Variants in PODXL2 observed in about 807,000 individuals in gnomAD.
PODXL2 encodes podocalyxin-like protein 2.
In PODXL2, 17 loss-of-function variants were observed where a neutral mutation model predicts 53.4. The ratio of observed to expected loss-of-function variants is 0.32; its 90% CI spans 0.22 to 0.48. The LOEUF is 0.48. PODXL2 is among the 20% of genes least tolerant of loss of function. The pLI is 0.99. For synonymous variants in PODXL2, 311 were observed against 306.7 expected (o/e 1.01, Z -0.15); for missense variants, 673 against 760.0 (o/e 0.89, Z 1.35).
In PODXL2 at chr3:127,660,865, C is replaced by T. The variant is rs114235935; in HGVS notation, c.837C>T (p.Phe279=). Residue 279 remains phenylalanine, a synonymous_variant, in exon 3 of 8, where the codon TTC becomes TTT. Coordinates refer to ENST00000342480, the MANE Select transcript of PODXL2 (RefSeq NM_015720.4). The stretch of plus-strand genomic sequence containing the variant: ...CAGCTGCAGGGCTTGGGGTAGAGTT[C>T]GAGGCTCCTCAGGAAGCAAGCGAGG... ...VLPAAGLGVE[F]EAPQEASEEA... is the part of the protein sequence containing the mutation. 4.3e-3 allele frequency: 6,974 copies of T among 1,614,184 alleles called. 27 individuals carry two copies. Among genetic ancestry groups the T allele is most frequent in the Middle Eastern group, 6.3e-3 (38 of 6,060 alleles).
rs556805093 is a variant in PODXL2, at chr3:127,672,783, A to G, written c.*303A>G. 30 of 343,200 alleles carry G rather than the reference A, an allele frequency of 8.7e-5. No individual in the cohort carries two copies. The South Asian group carries it at 3.1e-3, about 36-fold the overall frequency. The allele number at this position is 343,200 out of a possible 1,614,324, so 21.3% of individuals were successfully genotyped here. A position where few individuals can be genotyped will look rare whatever the true frequency, so the allele number is the denominator to read the frequency against. On this transcript the variant is annotated 3_prime_UTR_variant, in exon 8 of 8. Transcript: ENST00000342480. The stretch of plus-strand genomic sequence containing the variant: ...CCGGGACTCAATTAAACCCGCCCGG[A>G]GACCACGCCGGGCCCAGCGCGTCTG...
At position 127,671,433 on chromosome 3, in the gene PODXL2, GA is replaced by G; in HGVS notation, c.1426del (p.Ile476LeufsTer96). 6.2e-7 allele frequency: 1 copy of G among 1,613,142 alleles called. No individual in the cohort carries two copies. On this transcript the variant is annotated frameshift_variant and splice_region_variant, in exon 7 of 8. Transcript: ENST00000342480. LOFTEE classifies it high-confidence loss of function. ...LGDIRRSLEE[I>X]GIQNYSTTSS... The stretch of plus-strand genomic sequence containing the variant: ...AGGAAACTGGCCCCTCCCACCCCTA[GA>G]TTGGCATCCAGAACTATTCCACAAC...
chr3:127,645,714 G>T (rs2074648049), intron 2 of PODXL2, among the ~76,000 whole-genome samples: 1 of 152,236 alleles, frequency 6.6e-6, no homozygotes, highest in Non-Finnish European at 1.5e-5. Flanking sequence ...ATATGATTAG[G>T]ACATGACAGA....
In PODXL2 at chr3:127,639,444, G is replaced by C; in HGVS notation, c.270G>C (p.Arg90=). The stretch of plus-strand genomic sequence containing the variant: ...CCAGCGAAGAGAATGAAGAGTCTCG[G>C]ATTCTGCAGCCACCACAGTACTTCT... ...GFPSEENEES[R]ILQPPQYFWE... Residue 90 remains arginine, a synonymous_variant, in exon 2 of 8, where the codon CGG becomes CGC. Transcript: ENST00000342480. The C allele has an allele frequency of 6.2e-7, 1 of 1,614,292 alleles. No individual in the cohort carries two copies. The highest frequency in any genetic ancestry group is 8.5e-7 in the Non-Finnish European group (1 of 1,180,050).
intron 1 of PODXL2, among the ~76,000 whole-genome samples, chr3:127,630,998 G>T (rs2074541778): frequency 6.6e-6 from 1 of 152,184 alleles, no homozygotes; most frequent in Admixed American, 6.5e-5. Flanking sequence ...CTGCCTCCCG[G>T]CTCCTCTCTC....
At chr3:127,672,229 T>C (rs1009997628) in intron 7 of PODXL2, 39 bp from the exon 8 acceptor site, 128 of 1,516,218 alleles carry the variant, frequency 8.4e-5, no homozygotes, top group Admixed American at 2.0e-4. Context: ...GTCCGGGGGC[T>C]GGCTCGCTCG....
rs890911901 is a variant in PODXL2 at position 127,639,618 on chromosome 3, T to C, written c.349+95T>C. 10 of 1,183,582 alleles carry C rather than the reference T, an allele frequency of 8.4e-6. No homozygotes were observed. The African/African-American group carries it at 1.5e-4, about 18-fold the overall frequency. 73.3% of individuals were successfully genotyped at this position (1,183,582 alleles called of 1,614,324 possible). ...ATTTCCTTGCCAGAAGCATCTCTTC[T>C]CTCTCCCTACAGTTTTTACCATGCT... On this transcript the variant is annotated intron_variant, in intron 2 of 7. Transcript: ENST00000342480.
intron 1 of PODXL2, among the ~76,000 whole-genome samples, chr3:127,632,273 C>T (rs1425961723): frequency 3.3e-5 from 5 of 152,202 alleles, no homozygotes; most frequent in South Asian, 2.1e-4. Flanking sequence ...GCAGCCTCCC[C>T]GCCTGCCATG....
intron 4 of PODXL2, 39 bp from the exon 5 acceptor site, chr3:127,668,402 T>G (rs937779879): frequency 4.8e-6 from 7 of 1,472,594 alleles, no homozygotes; most frequent in Non-Finnish European, 5.4e-6. Flanking sequence ...AGAGCCCCTT[T>G]CCTTCACTGA....
rs75030346 is a variant in PODXL2 at position 127,666,270 on chromosome 3, G to C, written c.1207-2171G>C. 3.7e-3 allele frequency among the ~76,000 whole-genome samples: 559 copies of C among 151,932 alleles called. 6 individuals carry two copies. The highest frequency in any genetic ancestry group is 0.019 in the South Asian group (91 of 4,822). On this transcript the variant is annotated intron_variant, in intron 4 of 7. Transcript: ENST00000342480. ...TCCAGTTGTCCCAGCACCTGTGATT[G>C]AATAAGTACTTTACTTATTCACAGT...
rs1226892286 is a variant in PODXL2, at chr3:127,648,832, G to A, written c.349+9309G>A. Reference sequence around the variant, plus strand: ...TTTTGAGACGGAGTCTTGCTCTGTCGACCAGGCTGGAGTGCACTGGTGCGA... The same window carrying A: ...TTTTGAGACGGAGTCTTGCTCTGTCAACCAGGCTGGAGTGCACTGGTGCGA... On this transcript the variant is annotated intron_variant, in intron 2 of 7. Coordinates refer to ENST00000342480, the MANE Select transcript of PODXL2 (RefSeq NM_015720.4). Among the ~76,000 whole-genome samples the A allele has an allele frequency of 2.3e-5, 3 of 132,578 alleles. No homozygotes were observed. The South Asian group carries it at 7.0e-4, about 31-fold the overall frequency. The allele number at this position is 132,578 out of a possible 152,430, so 87.0% of individuals were successfully genotyped here. A position where few individuals can be genotyped will look rare whatever the true frequency, so the allele number is the denominator to read the frequency against.
chr3:127,669,688 C>T (rs1264314244), intron 6 of PODXL2, among the ~76,000 whole-genome samples: 1 of 152,216 alleles, frequency 6.6e-6, no homozygotes, highest in Non-Finnish European at 1.5e-5. Flanking sequence ...AGGCCCTGCG[C>T]TCCTGCTGCG....
Position 127,658,284 on chromosome 3 carries a change from C to A in PODXL2, c.350-2094C>A, listed in dbSNP as rs916836090. ...AATCAATTTTTCTTTTTGAAATAATCGTTCTCAGAGCTCTCTCTGTGTGTT... is the reference window on the plus strand; with the variant it reads ...AATCAATTTTTCTTTTTGAAATAATAGTTCTCAGAGCTCTCTCTGTGTGTT... On this transcript the variant is annotated intron_variant, in intron 2 of 7. Coordinates refer to ENST00000342480, the MANE Select transcript of PODXL2 (RefSeq NM_015720.4). Among the ~76,000 whole-genome samples, 3 of 152,028 alleles carry A rather than the reference C, an allele frequency of 2.0e-5. No homozygotes were observed. In the East Asian group the frequency reaches 5.8e-4, roughly 29 times the overall value.
chr3:127,655,901 C>T (rs2074720720), intron 2 of PODXL2, among the ~76,000 whole-genome samples: 1 of 152,164 alleles, frequency 6.6e-6, no homozygotes, highest in Non-Finnish European at 1.5e-5. Flanking sequence ...AGAGGCTGAC[C>T]CTGGAAGGGA....
intron 2 of PODXL2, among the ~76,000 whole-genome samples, 198 bp downstream of exon 2, chr3:127,639,721 T>C (rs2074602376): frequency 1.3e-5 from 2 of 152,256 alleles, no homozygotes; most frequent in Admixed American, 1.3e-4. Context: ...CCTTTCTCTT[T>C]AATACTAACC....
At chr3:127,645,617 C>T (rs1229001898) in intron 2 of PODXL2, among the ~76,000 whole-genome samples, 1 of 152,192 alleles carries the variant, frequency 6.6e-6, no homozygotes, top group Non-Finnish European at 1.5e-5. Context: ...ATTCATTTGC[C>T]CAGAGGGGAC....
intron 2 of PODXL2, among the ~76,000 whole-genome samples, chr3:127,644,220 TC>T (rs1418672186): frequency 6.6e-6 from 1 of 152,084 alleles, no homozygotes; most frequent in African/African-American, 2.4e-5. Flanking sequence ...CAAGTGATCC[TC>T]CTGCCTCAGA....
intron 1 of PODXL2, among the ~76,000 whole-genome samples, chr3:127,631,538 T>C (rs907030914): frequency 2.0e-5 from 3 of 152,174 alleles, no homozygotes; most frequent in African/African-American, 7.2e-5. Flanking sequence ...CTCTCTCCTC[T>C]GTTGGGTGTG....
chr3:127,637,497 C>G (rs1297306046), intron 1 of PODXL2, among the ~76,000 whole-genome samples: 2 of 152,160 alleles, frequency 1.3e-5, no homozygotes, highest in African/African-American at 4.8e-5. Context: ...CATGGCTCAC[C>G]AATTACCTCA....
Sources: gnomAD v4.1 joint callset for allele counts (sites outside exome capture counted in the v4.1 genomes callset) on GRCh38, gnomAD v4.1.1 for gene constraint, MANE v1.5 for transcripts, NCBI Gene and HGNC (gene_info 2026-07-23, HGNC 2026-07-21) for gene names.